Variants in LUZP2 observed in about 807,000 individuals in gnomAD.
The protein encoded by LUZP2 is leucine zipper protein 2.
Under a neutral mutation model 51.6 loss-of-function variants are expected in LUZP2, and 52 were observed. The observed-to-expected ratio is 1.01, with a 90% CI of 0.81 to 1.27. The LOEUF is 1.27. LUZP2 is among the 50% of genes most tolerant of loss of function. LUZP2 has a pLI of 0.00. For synonymous variants in LUZP2, 154 were observed against 137.3 expected (o/e 1.12, Z -0.85); for missense variants, 436 against 395.4 (o/e 1.10, Z -0.87).
At chr11:24,875,049 G>A (rs1308744619) in intron 5 of LUZP2, among the ~76,000 whole-genome samples, 2 of 151,986 alleles carry the variant, frequency 1.3e-5, no homozygotes, top group South Asian at 2.1e-4. Flanking sequence ...GGAGACGCTA[G>A]CCCCTTTCAA....
rs917647089 is a variant in LUZP2, at chr11:24,882,444, G to A, written c.397-23547G>A. ...ACAATCAATAAACCAACATTGAAAC[G>A]TCGTTATCACCCCCAAACCATAGTT... On this transcript the variant is annotated intron_variant, in intron 5 of 11. Coordinates refer to ENST00000336930, the MANE Select transcript of LUZP2 (RefSeq NM_001009909.4). Among the ~76,000 whole-genome samples the A allele has an allele frequency of 5.3e-5, 8 of 151,964 alleles. No individual in the cohort carries two copies. In the South Asian group the frequency reaches 1.0e-3, roughly 20 times the overall value.
intron 9 of LUZP2, among the ~76,000 whole-genome samples, chr11:25,008,623 A>T (rs1856900448): frequency 6.6e-6 from 1 of 152,180 alleles, no homozygotes; most frequent in South Asian, 2.1e-4. Context: ...GTCTTTTCCC[A>T]GCTGCTTTTC....
At chr11:24,593,932 A>G (rs1046932367) in intron 1 of LUZP2, among the ~76,000 whole-genome samples, 2 of 152,190 alleles carry the variant, frequency 1.3e-5, no homozygotes. Flanking sequence ...ACAGCCTGCC[A>G]AACCATGTAT....
At chr11:24,926,179 T>TTA (rs1220919035) in intron 7 of LUZP2, among the ~76,000 whole-genome samples, 1 of 150,140 alleles carries the variant, frequency 6.7e-6, no homozygotes, top group African/African-American at 2.4e-5. Context: ...AAAGGCAATG[T>TTA]TATATATATG....
intron 9 of LUZP2, among the ~76,000 whole-genome samples, chr11:25,035,026 G>T (rs536713500): frequency 6.6e-6 from 1 of 152,066 alleles, no homozygotes; most frequent in African/African-American, 2.4e-5. Context: ...AGACACCAAA[G>T]GAAGATACCT....
At chr11:24,964,765 A>G (rs1590783556) in intron 7 of LUZP2, among the ~76,000 whole-genome samples, 1 of 152,048 alleles carries the variant, frequency 6.6e-6, no homozygotes, top group African/African-American at 2.4e-5. Context: ...GTAAAGAAAT[A>G]TTAGATGCTT....
chr11:24,712,070 A>C (rs1459346431), intron 1 of LUZP2, among the ~76,000 whole-genome samples: 2 of 152,228 alleles, frequency 1.3e-5, no homozygotes, highest in Non-Finnish European at 2.9e-5. Context: ...TAAAAAGGTA[A>C]AGACAAATAG....
At chr11:25,036,855 C>T (rs374129379) in intron 9 of LUZP2, among the ~76,000 whole-genome samples, 42 of 151,976 alleles carry the variant, frequency 2.8e-4, no homozygotes, top group African/African-American at 8.9e-4. Flanking sequence ...AAAAAAATTT[C>T]GAGGCTTGCT....
At chr11:25,064,675 G>A (rs1026133014) in intron 10 of LUZP2, among the ~76,000 whole-genome samples, 1 of 151,820 alleles carries the variant, frequency 6.6e-6, no homozygotes, top group African/African-American at 2.4e-5. Context: ...GGCTGTTTTG[G>A]CTTAATATCA....
intron 10 of LUZP2, among the ~76,000 whole-genome samples, chr11:25,068,409 A>G (rs1180173969): frequency 6.6e-6 from 1 of 151,994 alleles, no homozygotes; most frequent in Non-Finnish European, 1.5e-5. Context: ...TTGGAACTCT[A>G]ACTCCAAATA....
chr11:24,868,901 A>G (rs533880128), intron 5 of LUZP2, among the ~76,000 whole-genome samples: 8 of 152,290 alleles, frequency 5.3e-5, no homozygotes, highest in Admixed American at 5.2e-4. Context: ...TTCTTCCTAT[A>G]TGTAACCAGT....
At chr11:24,648,380 T>C (rs1321644903) in intron 1 of LUZP2, among the ~76,000 whole-genome samples, 1 of 151,912 alleles carries the variant, frequency 6.6e-6, no homozygotes, top group Non-Finnish European at 1.5e-5. Flanking sequence ...CTGTCTACTG[T>C]CTCTAATATA....
At chr11:24,836,624 A>G (rs1850866804) in intron 5 of LUZP2, among the ~76,000 whole-genome samples, 2 of 151,900 alleles carry the variant, frequency 1.3e-5, no homozygotes, top group Non-Finnish European at 2.9e-5. Context: ...AACCTTATCA[A>G]GAAGATACAT....
intron 1 of LUZP2, among the ~76,000 whole-genome samples, chr11:24,678,082 G>T (rs1444670809): frequency 2.2e-5 from 3 of 138,370 alleles, no homozygotes; most frequent in East Asian, 4.7e-4. Context: ...GAAAGGGGGG[G>T]GGGGGTGATT....
intron 5 of LUZP2, among the ~76,000 whole-genome samples, chr11:24,895,227 G>T (rs1853000408): frequency 6.6e-6 from 1 of 152,070 alleles, no homozygotes; most frequent in Non-Finnish European, 1.5e-5. Context: ...CTTAGAGTAG[G>T]CTAGAAAATT....
intron 5 of LUZP2, among the ~76,000 whole-genome samples, chr11:24,775,329 G>A (rs1564989): frequency 0.79 from 120,320 of 152,116 alleles, 47,691 homozygotes; most frequent in East Asian, 0.86. Flanking sequence ...AGTGCATTGT[G>A]GTGGAATCCA....
chr11:25,062,609 A>G (rs1404880008), intron 10 of LUZP2, among the ~76,000 whole-genome samples: 2 of 148,732 alleles, frequency 1.3e-5, no homozygotes, highest in Admixed American at 6.7e-5. Flanking sequence ...AAAAAAAAAA[A>G]AAAAGAAAGG....
At chr11:24,983,363 A>G in intron 9 of LUZP2, 70 bp downstream of exon 9, 5 of 1,442,948 alleles carry the variant, frequency 3.5e-6, no homozygotes, top group Non-Finnish European at 4.7e-6. Flanking sequence ...CCCAGTATAT[A>G]TAATCACCAG....
chr11:24,512,389 A>G (rs145647976), intron 1 of LUZP2, among the ~76,000 whole-genome samples: 2 of 152,338 alleles, frequency 1.3e-5, no homozygotes, highest in African/African-American at 4.8e-5. Flanking sequence ...TCAAAGTGAT[A>G]CAAATATTTA....
Sources: gnomAD v4.1 joint callset for allele counts (sites outside exome capture counted in the v4.1 genomes callset) on GRCh38, gnomAD v4.1.1 for gene constraint, MANE v1.5 for transcripts, NCBI Gene and HGNC (gene_info 2026-07-23, HGNC 2026-07-21) for gene names.